Variants in MRM1 observed in about 807,000 individuals in gnomAD.
The protein encoded by MRM1 is mitochondrial rRNA methyltransferase 1.
In MRM1, 24 loss-of-function variants were observed where a neutral mutation model predicts 25.0. The observed-to-expected ratio is 0.96, with a 90% CI of 0.69 to 1.35. The LOEUF (loss-of-function observed/expected upper bound fraction) is 1.35, where lower values mean the gene tolerates loss of function less well. Ranked by LOEUF, MRM1 falls within the 40% of genes most tolerant of loss-of-function variation. The pLI, the probability that MRM1 is intolerant of heterozygous loss-of-function variation, is 0.00. For missense variants in MRM1, 431 were observed against 464.1 expected, an observed-to-expected ratio of 0.93 and a Z score of 0.65; for synonymous variants, 188 against 199.2, an observed-to-expected ratio of 0.94 and a Z score of 0.47.
the MRM1 span, among the ~76,000 whole-genome samples, chr17:36,621,860 C>T: frequency 1.3e-5 from 2 of 152,118 alleles, no homozygotes; most frequent in Non-Finnish European, 2.9e-5. Flanking sequence ...CTGTCTATCC[C>T]CGTCTTCCTA....
the MRM1 span, among the ~76,000 whole-genome samples, chr17:36,632,415 G>A: frequency 6.6e-6 from 1 of 151,620 alleles, no homozygotes; most frequent in Non-Finnish European, 1.5e-5. Context: ...GTGGGTGTTG[G>A]ACTTGGCCAG....
downstream of MRM1, among the ~76,000 whole-genome samples, chr17:36,611,951 C>G (rs961943616): frequency 2.5e-5 from 3 of 121,962 alleles, no homozygotes; most frequent in South Asian, 7.5e-4. Flanking sequence ...CTTGAACACA[C>G]GCACAGTTGT....
chr17:36,625,920 G>A, the MRM1 span, among the ~76,000 whole-genome samples: 1 of 151,924 alleles, frequency 6.6e-6, no homozygotes, highest in African/African-American at 2.4e-5. Context: ...CACTTTCTGG[G>A]AGGCCCAGCT....
the MRM1 span, among the ~76,000 whole-genome samples, chr17:36,630,424 G>A: frequency 2.6e-5 from 4 of 152,142 alleles, no homozygotes; most frequent in Non-Finnish European, 4.4e-5. Context: ...TCTTTGTCTC[G>A]TCCGTTGTCT....
chr17:36,602,742 T>C lies in MRM1; in HGVS notation c.636+96T>C. 2.1e-6 allele frequency: 3 copies of C among 1,442,534 alleles called. No homozygotes were observed. The highest frequency in any genetic ancestry group is 2.9e-6 in the Non-Finnish European group (3 of 1,035,550). The allele number at this position is 1,442,534 out of a possible 1,614,324, so 89.4% of individuals were successfully genotyped here. A position where few individuals can be genotyped will look rare whatever the true frequency, so the allele number is the denominator to read the frequency against. ...CCCTGGCGAGGGAGAGAAAGGGGCA[T>C]GTTGGCACCGCTTCCTTTGGCCTTC... is the stretch of plus-strand genomic sequence containing the variant. On this transcript the variant is annotated intron_variant, in intron 2 of 4. Transcript: ENST00000614766. This position sits in a 1 kb window ranked among gnomAD's most constrained non-coding sequence, Gnocchi z 4.1.
At chr17:36,621,197 C>T in the MRM1 span, among the ~76,000 whole-genome samples, 1 of 152,092 alleles carries the variant, frequency 6.6e-6, no homozygotes, top group Admixed American at 6.5e-5. Context: ...GCCAAGGACC[C>T]AAGCCAGCCA....
At chr17:36,608,151 G>C (rs1300809792) in intron 4 of MRM1, 92 bp from the exon 5 acceptor site, 1 of 1,521,404 alleles carries the variant, frequency 6.6e-7, no homozygotes, top group Non-Finnish European at 8.9e-7. Flanking sequence ...ATTACATCCC[G>C]TTGATGAGAT....
the MRM1 span, among the ~76,000 whole-genome samples, chr17:36,623,280 A>C: frequency 6.6e-6 from 1 of 152,222 alleles, no homozygotes; most frequent in Admixed American, 6.5e-5. Context: ...TGGAAATCTA[A>C]AGATAATCTA....
At chr17:36,612,025 C>T (rs181488344), downstream of MRM1, among the ~76,000 whole-genome samples, 27 of 152,298 alleles carry the variant, frequency 1.8e-4, no homozygotes, top group African/African-American at 6.3e-4. Context: ...CCAGTGCTCC[C>T]TGCATATGGG....
downstream of MRM1, among the ~76,000 whole-genome samples, chr17:36,611,636 C>T (rs2074977228): frequency 6.6e-6 from 1 of 152,102 alleles, no homozygotes; most frequent in Non-Finnish European, 1.5e-5. Flanking sequence ...GTCAAGCAGA[C>T]CCCTAATGTG....
chr17:36,630,210 C>A, the MRM1 span, among the ~76,000 whole-genome samples: 1 of 152,180 alleles, frequency 6.6e-6, no homozygotes, highest in African/African-American at 2.4e-5. Context: ...TATTTCCCTG[C>A]CTGCAGGCCC....
chr17:36,615,210 C>A, the MRM1 span, among the ~76,000 whole-genome samples: 1 of 152,118 alleles, frequency 6.6e-6, no homozygotes, highest in Non-Finnish European at 1.5e-5. Flanking sequence ...TGCTGTGGGC[C>A]GGGGAGGAGG....
chr17:36,633,351 G>C, the MRM1 span, among the ~76,000 whole-genome samples: 1 of 152,214 alleles, frequency 6.6e-6, no homozygotes. Flanking sequence ...CCTCAGCTTG[G>C]CGTCTGGGGC....
At chr17:36,604,787 C>T (rs2074913477) in intron 2 of MRM1, among the ~76,000 whole-genome samples, 1 of 147,262 alleles carries the variant, frequency 6.8e-6, no homozygotes, top group African/African-American at 2.5e-5. Flanking sequence ...GCCTGAGTGA[C>T]AGAGTGACGT....
chr17:36,618,781 G>C, the MRM1 span, among the ~76,000 whole-genome samples: 1 of 152,218 alleles, frequency 6.6e-6, no homozygotes, highest in Non-Finnish European at 1.5e-5. Flanking sequence ...TTGTCGATGA[G>C]ATCGTGTGAA....
the MRM1 span, among the ~76,000 whole-genome samples, chr17:36,615,317 A>G: frequency 6.6e-6 from 1 of 152,090 alleles, no homozygotes. Flanking sequence ...ATCAGAAGGG[A>G]GATTCCATGA....
At chr17:36,618,906 G>A in the MRM1 span, among the ~76,000 whole-genome samples, 1 of 152,230 alleles carries the variant, frequency 6.6e-6, no homozygotes, top group East Asian at 1.9e-4. Context: ...TCTGACTCCA[G>A]AATTGTGGCT....
At chr17:36,631,729 G>A in the MRM1 span, among the ~76,000 whole-genome samples, 1 of 152,244 alleles carries the variant, frequency 6.6e-6, no homozygotes, top group Non-Finnish European at 1.5e-5. Flanking sequence ...TGGAACTGAG[G>A]TGCTGGCAGA....
At chr17:36,628,214 C>T in the MRM1 span, among the ~76,000 whole-genome samples, 3 of 152,182 alleles carry the variant, frequency 2.0e-5, no homozygotes, top group East Asian at 5.8e-4. Context: ...TCTCAAACTC[C>T]TGGCCTCAAG....
Sources: allele counts gnomAD v4.1 joint callset (sites outside exome capture counted in the v4.1 genomes callset), GRCh38; gene constraint gnomAD v4.1.1; non-coding constraint Gnocchi (gnomAD v3.1); transcripts MANE v1.5; gene names NCBI Gene and HGNC (gene_info 2026-07-23, HGNC 2026-07-21).